The following EDARADD variants were observed in gnomAD, a reference collection of about 807,000 sequenced individuals.
EDARADD encodes ectodysplasin-A receptor-associated adapter protein.
In EDARADD, 20 loss-of-function variants were observed where a neutral mutation model predicts 25.6. The observed-to-expected ratio is 0.78, with a 90% CI of 0.55 to 1.14. EDARADD has a LOEUF of 1.14. Among genes scored for constraint, EDARADD ranks in the 50% most tolerant of loss-of-function variants. The pLI is 0.00. For missense variants in EDARADD, 225 were observed against 270.1 expected (o/e 0.83, Z 1.17); for synonymous variants, 86 against 94.4 (o/e 0.91, Z 0.52).
chr1:236,478,158 T>G (rs1331452830), intron 5 of EDARADD, among the ~76,000 whole-genome samples: 2 of 152,036 alleles, frequency 1.3e-5, no homozygotes, highest in African/African-American at 4.8e-5. Flanking sequence ...GTAAAGGCTT[T>G]CTTTCTGGAG....
At chr1:236,474,282 A>C (rs142278773) in intron 5 of EDARADD, among the ~76,000 whole-genome samples, 4 of 152,336 alleles carry the variant, frequency 2.6e-5, no homozygotes, top group African/African-American at 7.2e-5. Flanking sequence ...CCGTGATGAT[A>C]AGAAACCTGG....
chr1:236,456,057 G>A (rs548926606), intron 4 of EDARADD, among the ~76,000 whole-genome samples: 1 of 152,254 alleles, frequency 6.6e-6, no homozygotes, highest in South Asian at 2.1e-4. Context: ...CCAAAGTACA[G>A]GGATTATAGG....
At chr1:236,446,383 C>G (rs987170739) in intron 4 of EDARADD, among the ~76,000 whole-genome samples, 33 of 152,198 alleles carry the variant, frequency 2.2e-4, no homozygotes, top group African/African-American at 7.9e-4. Context: ...AACCCCGTCT[C>G]TACTAAAAAT....
At chr1:236,369,234 A>G (rs1667147097) in intron 3 of EDARADD, among the ~76,000 whole-genome samples, 1 of 152,212 alleles carries the variant, frequency 6.6e-6, no homozygotes, top group South Asian at 2.1e-4. Context: ...GATATCCACA[A>G]AGTAACTTGC....
At chr1:236,441,203 T>C (rs1342688852) in intron 4 of EDARADD, among the ~76,000 whole-genome samples, 6 of 149,826 alleles carry the variant, frequency 4.0e-5, no homozygotes, top group Middle Eastern at 3.2e-3. Context: ...AGATAAAAGA[T>C]CAAACTACCC....
chr1:236,460,889 C>T (rs1169597561), intron 4 of EDARADD, among the ~76,000 whole-genome samples: 2 of 152,016 alleles, frequency 1.3e-5, no homozygotes, highest in South Asian at 2.1e-4. Context: ...CTGGCGCGAT[C>T]TTGGCTCACT....
chr1:236,468,778 G>A (rs1659285437), intron 5 of EDARADD, among the ~76,000 whole-genome samples: 1 of 152,200 alleles, frequency 6.6e-6, no homozygotes, highest in Admixed American at 6.5e-5. Flanking sequence ...TATTTTCTCT[G>A]CACTAACCTT....
upstream of EDARADD, among the ~76,000 whole-genome samples, chr1:236,389,691 T>C (rs1333406256): frequency 6.6e-6 from 1 of 152,178 alleles, no homozygotes; most frequent in Non-Finnish European, 1.5e-5. Context: ...TTGACTCCTG[T>C]ATAATAATGA....
chr1:236,368,987 G>A (rs905532973), intron 3 of EDARADD, among the ~76,000 whole-genome samples: 1 of 152,082 alleles, frequency 6.6e-6, no homozygotes, highest in African/African-American at 2.4e-5. Context: ...TAGAGACAGA[G>A]TCTTGCTATG....
intron 1 of EDARADD, among the ~76,000 whole-genome samples, chr1:236,404,780 G>A (rs977262493): frequency 1.6e-4 from 25 of 152,012 alleles, no homozygotes; most frequent in African/African-American, 6.0e-4. Flanking sequence ...TCCAGCCTGG[G>A]TGACACTGTG....
intron 2 of EDARADD, among the ~76,000 whole-genome samples, chr1:236,413,278 G>A (rs1657547350): frequency 6.6e-6 from 1 of 152,228 alleles, no homozygotes; most frequent in Non-Finnish European, 1.5e-5. Context: ...TATTCTGTGT[G>A]ATTAATTTTT....
rs541674330 is a variant in EDARADD at position 236,480,903 on chromosome 1, C to T, written c.266-1364C>T. Among the ~76,000 whole-genome samples the T allele has an allele frequency of 4.1e-4, 63 of 152,264 alleles. No homozygotes were observed. The South Asian group carries it at 6.4e-3, about 16-fold the overall frequency. The stretch of plus-strand genomic sequence containing the variant: ...AAGATGGCCCTTCCTCTGGGGTAGG[C>T]GCATGCTCTTCATGCTGAAGCTCAG... On this transcript the variant is annotated intron_variant, in intron 5 of 5. Transcript: ENST00000334232.
intron 5 of EDARADD, among the ~76,000 whole-genome samples, chr1:236,476,546 A>G (rs118116522): frequency 0.11 from 17,060 of 148,970 alleles, 1,056 homozygotes; most frequent in South Asian, 0.13. Context: ...TTTGTTTGAG[A>G]TGGAGTTTTG....
At chr1:236,471,532 C>G (rs1168393835) in intron 5 of EDARADD, among the ~76,000 whole-genome samples, 1 of 151,854 alleles carries the variant, frequency 6.6e-6, no homozygotes, top group South Asian at 2.1e-4. Context: ...GGATGTGACT[C>G]TCCTTCAACA....
chr1:236,393,966 G>A (rs142841167), upstream of EDARADD, among the ~76,000 whole-genome samples: 153 of 151,040 alleles, frequency 1.0e-3, 2 homozygotes, highest in Non-Finnish European at 8.3e-4. Context: ...GAAAATGAAA[G>A]GGAGTAATAA....
intron 3 of EDARADD, among the ~76,000 whole-genome samples, chr1:236,360,548 T>G (rs870800): frequency 0.34 from 48,057 of 141,396 alleles, 9,921 homozygotes; most frequent in Non-Finnish European, 0.48. Flanking sequence ...TTTTTTTTTT[T>G]TTTTTTTTTT....
At chr1:236,416,956 T>G (rs1284861789) in intron 3 of EDARADD, among the ~76,000 whole-genome samples, 1 of 151,808 alleles carries the variant, frequency 6.6e-6, no homozygotes, top group Non-Finnish European at 1.5e-5. Context: ...TACAAAAATA[T>G]ATAAAAAATT....
intron 4 of EDARADD, among the ~76,000 whole-genome samples, chr1:236,429,945 A>G (rs1313640248): frequency 6.6e-6 from 1 of 152,172 alleles, no homozygotes; most frequent in Non-Finnish European, 1.5e-5. Flanking sequence ...TGCTCCTTCT[A>G]TATATAACAT....
At position 236,417,908 on chromosome 1, in the gene EDARADD, G is replaced by A. The variant is rs560109702; in HGVS notation, c.160+3609G>A. On this transcript the variant is annotated intron_variant, in intron 3 of 5. Coordinates refer to ENST00000334232, the MANE Select transcript of EDARADD (RefSeq NM_145861.4). Reference sequence around the variant, plus strand: ...TCAAAAAAATGTTATAGTGTATTTAGAAGTTAAAGAGAAGTAAGGTAGACT... The same window carrying A: ...TCAAAAAAATGTTATAGTGTATTTAAAAGTTAAAGAGAAGTAAGGTAGACT... Among the ~76,000 whole-genome samples, 4 of 151,312 alleles carry A rather than the reference G, an allele frequency of 2.6e-5. No individual in the cohort carries two copies. In the South Asian group the frequency reaches 8.4e-4, roughly 32 times the overall value.
Sources: allele counts gnomAD v4.1 joint callset (sites outside exome capture counted in the v4.1 genomes callset), GRCh38; gene constraint gnomAD v4.1.1; transcripts MANE v1.5; gene names NCBI Gene and HGNC (gene_info 2026-07-23, HGNC 2026-07-21).